Variants in GLCCI1 observed in about 807,000 individuals in gnomAD.
The protein encoded by GLCCI1 is glucocorticoid induced 1, also known as glucocorticoid-induced transcript 1 protein.
A neutral mutation model predicts 52.2 loss-of-function variants in GLCCI1; 24 were observed. The observed-to-expected ratio is 0.46, with a 90% confidence interval of 0.33 to 0.65. GLCCI1 has a LOEUF of 0.65. Among genes scored for constraint, GLCCI1 ranks in the 30% least tolerant of loss-of-function variants. The pLI, the probability that GLCCI1 is intolerant of heterozygous loss-of-function variation, is 0.02. For missense variants in GLCCI1, 704 were observed against 701.5 expected, an observed-to-expected ratio of 1.00 and a Z score of -0.04; for synonymous variants, 310 against 276.5, an observed-to-expected ratio of 1.12 and a Z score of -1.20.
chr7:8,068,127 T>A (rs1475436708), intron 5 of GLCCI1, among the ~76,000 whole-genome samples: 1 of 152,158 alleles, frequency 6.6e-6, no homozygotes, highest in Non-Finnish European at 1.5e-5. Flanking sequence ...CAAGGCAGGA[T>A]CACCTGAGGT....
chr7:7,977,226 G>A (rs201496006), intron 1 of GLCCI1, among the ~76,000 whole-genome samples: 4 of 151,902 alleles, frequency 2.6e-5, no homozygotes, highest in African/African-American at 9.6e-5. Context: ...CTTGTGGCTT[G>A]ATTAGCTTTA....
In GLCCI1 at chr7:8,071,603, G is replaced by A. The variant is rs1161923281; in HGVS notation, c.1177+472G>A. ...TAGTGAGTATCTACAGGACATCAGG[G>A]ATTTTATTACAGTATGTAGATAAAT... is the stretch of plus-strand genomic sequence containing the variant. On this transcript the variant is annotated intron_variant, in intron 6 of 7. Coordinates refer to ENST00000223145, the MANE Select transcript of GLCCI1 (RefSeq NM_138426.4). Among the ~76,000 whole-genome samples the A allele has an allele frequency of 2.6e-5, 4 of 152,244 alleles. No homozygotes were observed. The South Asian group carries it at 8.3e-4, about 32-fold the overall frequency.
At chr7:8,068,836 T>C (rs1342406612) in intron 5 of GLCCI1, among the ~76,000 whole-genome samples, 2 of 152,172 alleles carry the variant, frequency 1.3e-5, no homozygotes, top group African/African-American at 4.8e-5. Context: ...GTCTGAGGCA[T>C]TGTACAAGGT....
intron 3 of GLCCI1, among the ~76,000 whole-genome samples, chr7:8,039,362 G>A (rs1258858677): frequency 2.0e-5 from 3 of 152,096 alleles, no homozygotes; most frequent in Non-Finnish European, 2.9e-5. Flanking sequence ...CAAAGATAAG[G>A]AATTAAGTGT....
chr7:7,969,296 C>T lies in GLCCI1; in HGVS notation c.-55C>T, dbSNP rs569330110. The stretch of plus-strand genomic sequence containing the variant: ...CGCCGGCTCCCACACGCTCGCGCGC[C>T]TCCCGCCCCGCGCCTCCGTGTCGGC... On this transcript the variant is annotated 5_prime_UTR_variant, in exon 1 of 8. Coordinates refer to ENST00000223145, the MANE Select transcript of GLCCI1 (RefSeq NM_138426.4). This position sits in a 1 kb window ranked among gnomAD's most constrained non-coding sequence, Gnocchi z 4.9. 233 of 1,365,630 alleles carry T rather than the reference C, an allele frequency of 1.7e-4. 2 individuals are homozygous for T. In the African/African-American group the frequency reaches 3.3e-3, roughly 20 times the overall value. The allele number at this position is 1,365,630 out of a possible 1,614,324, so 84.6% of individuals were successfully genotyped here.
chr7:7,976,263 G>GA, intron 1 of GLCCI1, among the ~76,000 whole-genome samples: 1 of 152,080 alleles, frequency 6.6e-6, no homozygotes, highest in Non-Finnish European at 1.5e-5. Flanking sequence ...CAGATTACTT[G>GA]AGATCAGGAG....
Position 8,086,448 on chromosome 7 carries a change from C to T in GLCCI1, c.1554C>T (p.Ala518=). 1 of 1,614,166 alleles carries T rather than the reference C, an allele frequency of 6.2e-7. No individual in the cohort carries two copies. Among genetic ancestry groups the T allele is most frequent in the South Asian group, 1.1e-5 (1 of 91,080 alleles). Residue 518 remains alanine, a synonymous_variant, in exon 8 of 8, where the codon GCC becomes GCT. Coordinates refer to ENST00000223145, the MANE Select transcript of GLCCI1 (RefSeq NM_138426.4). This position sits in a 1 kb window ranked among gnomAD's most constrained non-coding sequence, Gnocchi z 4.4. ...DDTSTAGSME[A]SVQQPSQQQQ... is the part of the protein sequence containing the mutation. ...CCAGCACAGCGGGCTCCATGGAGGC[C>T]TCTGTCCAGCAGCCATCCCAGCAGC...
At chr7:7,977,370 G>T (rs1167299509) in intron 1 of GLCCI1, among the ~76,000 whole-genome samples, 1 of 152,190 alleles carries the variant, frequency 6.6e-6, no homozygotes, top group African/African-American at 2.4e-5. Context: ...ATTATTTCCT[G>T]TTTTTCTGAT....
chr7:8,039,990 C>A (rs1583992474), intron 3 of GLCCI1, among the ~76,000 whole-genome samples: 1 of 106,954 alleles, frequency 9.3e-6, no homozygotes, highest in African/African-American at 3.6e-5. Flanking sequence ...GAGCAAGACT[C>A]TGTCTCAAAA....
chr7:8,050,231 C>T (rs925463018), intron 3 of GLCCI1, among the ~76,000 whole-genome samples: 5 of 151,982 alleles, frequency 3.3e-5, no homozygotes, highest in African/African-American at 9.7e-5. Context: ...TGTGCTTGCA[C>T]GTATGTATTT....
At chr7:8,050,933 A>G (rs573072554) in intron 3 of GLCCI1, among the ~76,000 whole-genome samples, 1 of 152,358 alleles carries the variant, frequency 6.6e-6, no homozygotes, top group East Asian at 1.9e-4. Context: ...GATAATTCAT[A>G]TAAAAGCAAG....
intron 3 of GLCCI1, among the ~76,000 whole-genome samples, chr7:8,050,273 T>G (rs529987255): frequency 6.6e-6 from 1 of 152,284 alleles, no homozygotes; most frequent in Non-Finnish European, 1.5e-5. Flanking sequence ...ATGTGTTGAA[T>G]GAAGAGCAGT....
intron 1 of GLCCI1, among the ~76,000 whole-genome samples, chr7:7,984,064 T>C (rs1043073998): frequency 8.0e-4 from 122 of 152,244 alleles, no homozygotes; most frequent in African/African-American, 2.9e-3. Context: ...CTTCTGAATT[T>C]TTGTTTGTTT....
chr7:8,008,931 A>G (rs1384345895), intron 2 of GLCCI1, among the ~76,000 whole-genome samples: 2 of 151,662 alleles, frequency 1.3e-5, no homozygotes, highest in African/African-American at 4.8e-5. Flanking sequence ...TGAAATTTTT[A>G]TTAGTAAAAT....
At chr7:7,979,037 A>C (rs1018135335) in intron 1 of GLCCI1, among the ~76,000 whole-genome samples, 2 of 152,214 alleles carry the variant, frequency 1.3e-5, no homozygotes, top group African/African-American at 4.8e-5. Context: ...ATCAATCAAC[A>C]GTCCTCTTCC....
chr7:7,972,323 ATGTG>A (rs140431128), intron 1 of GLCCI1, among the ~76,000 whole-genome samples: 5 of 149,678 alleles, frequency 3.3e-5, no homozygotes, highest in Admixed American at 6.7e-5. Flanking sequence ...ACTTCAGTGT[ATGTG>A]TGTGTGTGTG....
chr7:7,997,311 G>T (rs1028151228), intron 1 of GLCCI1, among the ~76,000 whole-genome samples: 6 of 151,798 alleles, frequency 4.0e-5, no homozygotes, highest in African/African-American at 1.5e-4. Context: ...AGCTTTCAAG[G>T]TATTCTCATT....
At chr7:7,974,801 C>G (rs1780428748) in intron 1 of GLCCI1, among the ~76,000 whole-genome samples, 2 of 152,158 alleles carry the variant, frequency 1.3e-5, no homozygotes, top group Non-Finnish European at 2.9e-5. Context: ...TTCTCCAGAA[C>G]TTAACATTTC....
At chr7:8,029,392 A>C (rs770441644) in intron 3 of GLCCI1, among the ~76,000 whole-genome samples, 9 of 152,224 alleles carry the variant, frequency 5.9e-5, no homozygotes, top group Non-Finnish European at 7.4e-5. Context: ...GATAAAGTTC[A>C]GCATCTCTTC....
Sources: gnomAD v4.1 joint callset for allele counts (sites outside exome capture counted in the v4.1 genomes callset) on GRCh38, gnomAD v4.1.1 for gene constraint, Gnocchi (gnomAD v3.1) non-coding constraint, MANE v1.5 for transcripts, NCBI Gene and HGNC (gene_info 2026-07-23, HGNC 2026-07-21) for gene names.